Variants in ROBO2 observed in about 807,000 individuals in gnomAD.
ROBO2 encodes the protein roundabout guidance receptor 2.
A neutral mutation model predicts 160.8 loss-of-function variants in ROBO2; 53 were observed. The ratio of observed to expected loss-of-function variants is 0.33; its 90% confidence interval spans 0.26 to 0.41. The LOEUF (loss-of-function observed/expected upper bound fraction) is 0.41, where lower values mean the gene tolerates loss of function less well. Ranked by LOEUF, ROBO2 falls within the 10% of genes least tolerant of loss-of-function variation. The pLI is 1.00. For synonymous variants in ROBO2, 664 were observed against 611.7 expected, an observed-to-expected ratio of 1.09 and a Z score of -1.26; for missense variants, 1,577 against 1,722.4, an observed-to-expected ratio of 0.92 and a Z score of 1.49.
At chr3:76,603,555 G>T (rs1247579745) in intron 2 of ROBO2, among the ~76,000 whole-genome samples, 1 of 151,346 alleles carries the variant, frequency 6.6e-6, no homozygotes, top group African/African-American at 2.4e-5. Flanking sequence ...ATGAATAGAT[G>T]GAGTTTTTTT....
chr3:76,196,858 C>T (rs1702284532), intron 2 of ROBO2, among the ~76,000 whole-genome samples: 1 of 152,098 alleles, frequency 6.6e-6, no homozygotes, highest in Non-Finnish European at 1.5e-5. Flanking sequence ...CAATTTACCT[C>T]ACTATAAATG....
chr3:77,632,621 G>A, intron 23 of ROBO2: 2 of 1,535,596 alleles, frequency 1.3e-6, no homozygotes, highest in Non-Finnish European at 1.7e-6. Context: ...GATAAAGCTG[G>A]TTTTAGGCTG....
chr3:77,543,067 C>T (rs2092545347), intron 6 of ROBO2, among the ~76,000 whole-genome samples: 1 of 152,070 alleles, frequency 6.6e-6, no homozygotes, highest in African/African-American at 2.4e-5. Flanking sequence ...CTCTTTGTCC[C>T]AAGTCACCTT....
At chr3:76,518,769 C>CG (rs1256433085) in intron 2 of ROBO2, among the ~76,000 whole-genome samples, 2 of 152,004 alleles carry the variant, frequency 1.3e-5, no homozygotes, top group African/African-American at 4.8e-5. Context: ...TCTTATAAAG[C>CG]GGAAAAACAA....
chr3:76,719,590 A>C (rs1279836728), intron 2 of ROBO2, among the ~76,000 whole-genome samples: 1 of 152,186 alleles, frequency 6.6e-6, no homozygotes, highest in Admixed American at 6.5e-5. Flanking sequence ...TTTTGTAAGA[A>C]ATTTACAATA....
intron 2 of ROBO2, among the ~76,000 whole-genome samples, chr3:76,874,465 GA>G (rs2072485600): frequency 6.6e-6 from 1 of 152,100 alleles, no homozygotes; most frequent in Non-Finnish European, 1.5e-5. Flanking sequence ...GGGATGAGCT[GA>G]CATGGTTTTG....
intron 2 of ROBO2, among the ~76,000 whole-genome samples, chr3:76,137,300 G>C (rs556534888): frequency 6.6e-6 from 1 of 152,032 alleles, no homozygotes; most frequent in African/African-American, 2.4e-5. Flanking sequence ...TCTGGTTTTC[G>C]TAGTGGTATT....
intron 2 of ROBO2, among the ~76,000 whole-genome samples, chr3:77,197,071 G>A (rs899103637): frequency 2.0e-5 from 3 of 152,110 alleles, no homozygotes; most frequent in Admixed American, 2.0e-4. Context: ...GTTCTACACA[G>A]GAAACCACTA....
chr3:77,213,974 T>G (rs546886330), intron 2 of ROBO2, among the ~76,000 whole-genome samples: 1 of 152,318 alleles, frequency 6.6e-6, no homozygotes, highest in Non-Finnish European at 1.5e-5. Context: ...TTTTTTACAT[T>G]TGCTGAGGAG....
intron 2 of ROBO2, among the ~76,000 whole-genome samples, chr3:76,142,411 T>C (rs2071705636): frequency 6.6e-6 from 1 of 151,920 alleles, no homozygotes; most frequent in Non-Finnish European, 1.5e-5. Context: ...AATTTGAACC[T>C]AAATGACCAT....
intron 2 of ROBO2, among the ~76,000 whole-genome samples, chr3:76,126,371 A>C (rs72896507): frequency 0.068 from 10,303 of 152,160 alleles, 706 homozygotes; most frequent in East Asian, 0.15. Flanking sequence ...GACCTGATAG[A>C]ATAAAGCTTA....
chr3:76,603,351 A>AAAAAATATAT (rs1553826368), intron 2 of ROBO2, among the ~76,000 whole-genome samples: 4 of 26,406 alleles, frequency 1.5e-4, no homozygotes, highest in East Asian at 1.2e-3. Flanking sequence ...AAAAAAAAAA[A>AAAAAATATAT]ATATATATAT....
chr3:76,652,061 A>C (rs1240910585), intron 2 of ROBO2, among the ~76,000 whole-genome samples: 1 of 152,162 alleles, frequency 6.6e-6, no homozygotes, highest in Admixed American at 6.6e-5. Flanking sequence ...TGGAAAAAAT[A>C]TGACTGTAGA....
intron 2 of ROBO2, among the ~76,000 whole-genome samples, chr3:77,412,870 G>A (rs966024116): frequency 6.6e-6 from 1 of 152,094 alleles, no homozygotes; most frequent in Non-Finnish European, 1.5e-5. Flanking sequence ...TTGACATTTG[G>A]GGATGCGTCA....
intron 2 of ROBO2, among the ~76,000 whole-genome samples, chr3:77,417,392 T>C (rs2077341652): frequency 3.9e-5 from 6 of 152,272 alleles, no homozygotes; most frequent in African/African-American, 1.2e-4. Context: ...GATTAAGTAA[T>C]ACAGCATAAA....
At chr3:77,530,325 A>G (rs1251555657) in intron 6 of ROBO2, among the ~76,000 whole-genome samples, 2 of 152,134 alleles carry the variant, frequency 1.3e-5, no homozygotes, top group East Asian at 3.9e-4. Flanking sequence ...AGAAACCCTC[A>G]CTACATTACT....
At chr3:77,517,341 G>T (rs1323995056) in intron 5 of ROBO2, among the ~76,000 whole-genome samples, 3 of 151,370 alleles carry the variant, frequency 2.0e-5, no homozygotes, top group African/African-American at 7.3e-5. Flanking sequence ...CACAGAACTG[G>T]CTTCTTACAT....
upstream of ROBO2, among the ~76,000 whole-genome samples, chr3:77,037,025 T>C (rs79746660): frequency 0.023 from 3,459 of 151,730 alleles, 122 homozygotes; most frequent in African/African-American, 0.078. Context: ...AATTGAAATA[T>C]GCACATTTTT....
intron 2 of ROBO2, among the ~76,000 whole-genome samples, chr3:76,463,107 TATCC>T (rs1422625749): frequency 6.6e-6 from 1 of 152,160 alleles, no homozygotes; most frequent in East Asian, 1.9e-4. Context: ...GCATGGCCTA[TATCC>T]AAGGCTGCTC....
Sources: gnomAD v4.1 joint callset for allele counts (sites outside exome capture counted in the v4.1 genomes callset) on GRCh38, gnomAD v4.1.1 for gene constraint, MANE v1.5 for transcripts, NCBI Gene and HGNC (gene_info 2026-07-23, HGNC 2026-07-21) for gene names.